The following SHISA6 variants were observed in gnomAD, a reference collection of about 807,000 sequenced individuals.
SHISA6 encodes the protein shisa family member 6.
In SHISA6, 22 loss-of-function variants were observed where a neutral mutation model predicts 47.9. The ratio of observed to expected loss-of-function variants is 0.46; its 90% CI spans 0.33 to 0.66. The LOEUF (loss-of-function observed/expected upper bound fraction) is 0.66. SHISA6 is among the 30% of genes least tolerant of loss of function. The pLI, the probability that SHISA6 is intolerant of heterozygous loss-of-function variation, is 0.02. For missense variants in SHISA6, 680 were observed against 764.6 expected, an observed-to-expected ratio of 0.89 and a Z score of 1.30; for synonymous variants, 388 against 337.8, an observed-to-expected ratio of 1.15 and a Z score of -1.63.
chr17:11,484,845 G>A (rs1189600624), intron 3 of SHISA6, among the ~76,000 whole-genome samples: 1 of 152,190 alleles, frequency 6.6e-6, no homozygotes, highest in Admixed American at 6.5e-5. Context: ...AATTGTCAGT[G>A]AATTGCCCTC....
In SHISA6 at chr17:11,561,553, C is replaced by T. The variant is rs1344105401; in HGVS notation, c.*3249C>T. ...AGTGTCTTGGGAGTGTCTTGGGCCACACGACTGCCTCTTAGAAAGTTCCAA... is the reference window on the plus strand; with the variant it reads ...AGTGTCTTGGGAGTGTCTTGGGCCATACGACTGCCTCTTAGAAAGTTCCAA... On this transcript the variant is annotated 3_prime_UTR_variant, in exon 6 of 6. Transcript: ENST00000441885. 10 of 152,234 alleles carry T rather than the reference C, an allele frequency of 6.6e-5. No homozygotes were observed. Among genetic ancestry groups the T allele is most frequent in the African/African-American group, 1.4e-4 (6 of 41,446 alleles). The allele number at this position is 152,234 out of a possible 1,614,324, so 9.4% of individuals were successfully genotyped here. A position where few individuals can be genotyped will look rare whatever the true frequency, so the allele number is the denominator to read the frequency against.
intron 3 of SHISA6, among the ~76,000 whole-genome samples, chr17:11,536,139 T>C (rs2071786208): frequency 6.6e-6 from 1 of 152,108 alleles, no homozygotes; most frequent in Admixed American, 6.5e-5. Context: ...TTCTTCCAGT[T>C]GGTATTATAA....
chr17:11,402,427 C>T (rs932797149), intron 3 of SHISA6, among the ~76,000 whole-genome samples: 3 of 152,202 alleles, frequency 2.0e-5, no homozygotes, highest in African/African-American at 7.2e-5. Flanking sequence ...AAATATAGTT[C>T]TCCAAACTCC....
chr17:11,430,022 G>A (rs1242430937), intron 3 of SHISA6, among the ~76,000 whole-genome samples: 1 of 152,124 alleles, frequency 6.6e-6, no homozygotes, highest in Non-Finnish European at 1.5e-5. Context: ...ATTTTCTGTG[G>A]TAAATACTAG....
At chr17:11,265,923 T>C (rs1908408272) in intron 2 of SHISA6, among the ~76,000 whole-genome samples, 1 of 152,212 alleles carries the variant, frequency 6.6e-6, no homozygotes, top group African/African-American at 2.4e-5. Flanking sequence ...TTCACTTCTA[T>C]GTTTCAAGAA....
chr17:11,382,286 C>T (rs1233115856), intron 3 of SHISA6, among the ~76,000 whole-genome samples: 2 of 151,962 alleles, frequency 1.3e-5, no homozygotes, highest in Admixed American at 6.6e-5. Context: ...ACTATGTTGC[C>T]CAGGCTGGTC....
intron 2 of SHISA6, among the ~76,000 whole-genome samples, chr17:11,354,883 A>G (rs774719052): frequency 1.1e-4 from 17 of 152,130 alleles, no homozygotes; most frequent in Non-Finnish European, 2.2e-4. Flanking sequence ...AGATGTCCCT[A>G]TGTGGAATCA....
At chr17:11,458,083 T>TAAAA (rs56304029) in intron 3 of SHISA6, among the ~76,000 whole-genome samples, 2 of 114,522 alleles carry the variant, frequency 1.7e-5, no homozygotes, top group Admixed American at 9.5e-5. Flanking sequence ...AGACTCTGTC[T>TAAAA]AAAAAAAAAA....
At chr17:11,524,336 G>A (rs1161976589) in intron 3 of SHISA6, among the ~76,000 whole-genome samples, 1 of 151,872 alleles carries the variant, frequency 6.6e-6, no homozygotes, top group East Asian at 1.9e-4. Flanking sequence ...AGGTTAATAT[G>A]GTCCATAATT....
At chr17:11,243,551 G>A (rs1299823643) in intron 1 of SHISA6, among the ~76,000 whole-genome samples, 7 of 152,256 alleles carry the variant, frequency 4.6e-5, no homozygotes, top group African/African-American at 1.7e-4. Context: ...GGTCAGTCTT[G>A]GCTCTCAAAT....
chr17:11,332,503 A>C (rs955446125), intron 2 of SHISA6, among the ~76,000 whole-genome samples: 5 of 152,144 alleles, frequency 3.3e-5, no homozygotes, highest in African/African-American at 1.2e-4. Flanking sequence ...GTTCTTTGTC[A>C]GTCGTAAAAT....
At chr17:11,500,343 T>C (rs1341668472) in intron 3 of SHISA6, among the ~76,000 whole-genome samples, 4 of 152,164 alleles carry the variant, frequency 2.6e-5, no homozygotes, top group Non-Finnish European at 5.9e-5. Flanking sequence ...GTTGCACAAC[T>C]CCAATGATGC....
At chr17:11,379,296 G>T in intron 2 of SHISA6, 118 bp from the exon 3 acceptor site, 1 of 537,710 alleles carries the variant, frequency 1.9e-6, no homozygotes, top group South Asian at 3.1e-5. Flanking sequence ...TCCACCTTCT[G>T]ACTTAGCTGC....
At chr17:11,373,543 C>CATA (rs1192574626) in intron 2 of SHISA6, among the ~76,000 whole-genome samples, 4 of 152,198 alleles carry the variant, frequency 2.6e-5, no homozygotes, top group African/African-American at 9.7e-5. Flanking sequence ...AAATCTCTAT[C>CATA]ATTTCAATGA....
chr17:11,496,616 G>A (rs1385532894), intron 3 of SHISA6, among the ~76,000 whole-genome samples: 1 of 152,112 alleles, frequency 6.6e-6, no homozygotes, highest in Non-Finnish European at 1.5e-5. Context: ...GCAGGCGCCT[G>A]TAATCCCAGC....
intron 2 of SHISA6, among the ~76,000 whole-genome samples, chr17:11,308,613 T>C (rs1281726576): frequency 1.3e-5 from 2 of 152,182 alleles, no homozygotes; most frequent in Non-Finnish European, 2.9e-5. Flanking sequence ...TTTCACAAGC[T>C]GATCCAAAAA....
chr17:11,475,540 T>C (rs539370760), intron 3 of SHISA6, among the ~76,000 whole-genome samples: 23 of 152,250 alleles, frequency 1.5e-4, no homozygotes, highest in Admixed American at 1.4e-3. Flanking sequence ...GATATGACCA[T>C]GTGATTTTTC....
chr17:11,542,727 G>A (rs1291068833), intron 3 of SHISA6, among the ~76,000 whole-genome samples: 2 of 152,124 alleles, frequency 1.3e-5, no homozygotes, highest in Non-Finnish European at 2.9e-5. Flanking sequence ...ACCTTTTGCA[G>A]TTCTTGCCTA....
chr17:11,241,632 G>A lies in SHISA6; in HGVS notation c.210G>A (p.Ala70=), dbSNP rs914467106. The A allele has an allele frequency of 1.5e-6, 2 of 1,347,198 alleles. No homozygotes were observed. The highest frequency in any genetic ancestry group is 2.0e-5 in the South Asian group (1 of 50,586). The allele number at this position is 1,347,198 out of a possible 1,614,324, so 83.5% of individuals were successfully genotyped here. A position where few individuals can be genotyped will look rare whatever the true frequency, so the allele number is the denominator to read the frequency against. The change falls in exon 1 of 6, where the codon GCG becomes GCA. Residue 70 remains alanine (A), a synonymous_variant. Coordinates refer to ENST00000441885, the MANE Select transcript of SHISA6 (RefSeq NM_207386.4). The surrounding 1 kb of genome is among the most constrained non-coding windows in gnomAD (Gnocchi z 5.5). The part of the protein sequence containing the change: ...GTARAPGIPE[A]GSRRGQPAAA... ...CCCGGGCGCCCGGAATCCCGGAGGC[G>A]GGAAGCCGGCGGGGGCAGCCCGCGG...
Sources: gnomAD v4.1 joint callset for allele counts (sites outside exome capture counted in the v4.1 genomes callset) on GRCh38, gnomAD v4.1.1 for gene constraint, Gnocchi (gnomAD v3.1) non-coding constraint, MANE v1.5 for transcripts, NCBI Gene and HGNC (gene_info 2026-07-23, HGNC 2026-07-21) for gene names.